The following CNBD1 variants were observed in gnomAD, a reference collection of about 807,000 sequenced individuals.
CNBD1 encodes cyclic nucleotide binding domain containing 1.
In CNBD1, 71 loss-of-function variants were observed where a neutral mutation model predicts 54.4. The ratio of observed to expected loss-of-function variants is 1.30; its 90% CI spans 1.08 to 1.59. The LOEUF is 1.59. CNBD1 is among the 40% of genes most tolerant of loss of function. The pLI, the probability that CNBD1 is intolerant of heterozygous loss-of-function variation, is 0.00. For missense variants in CNBD1, 659 were observed against 518.0 expected, an observed-to-expected ratio of 1.27 and a Z score of -2.64; for synonymous variants, 182 against 170.7, an observed-to-expected ratio of 1.07 and a Z score of -0.51.
At chr8:87,224,799 T>C (rs1350680319) in intron 5 of CNBD1, among the ~76,000 whole-genome samples, 1 of 150,846 alleles carries the variant, frequency 6.6e-6, no homozygotes, top group Non-Finnish European at 1.5e-5. Context: ...GGTAGCTTGA[T>C]GGGGATGGCA....
At chr8:87,313,217 A>G (rs550169158) in intron 8 of CNBD1, among the ~76,000 whole-genome samples, 1 of 152,168 alleles carries the variant, frequency 6.6e-6, no homozygotes, top group Admixed American at 6.6e-5. Context: ...TTATTTATCC[A>G]TTTGTGTTTG....
At position 86,966,635 on chromosome 8, in the gene CNBD1, G is replaced by A. The variant is rs186767235; in HGVS notation, c.431+26881G>A. On this transcript the variant is annotated intron_variant, in intron 4 of 10. Coordinates refer to ENST00000518476, the MANE Select transcript of CNBD1 (RefSeq NM_173538.3). ...CAGGACTGAAGCTGCAGACCTTTGC[G>A]GTGAGTGTTACAGCTCTTAAAGGTG... 5.3e-5 allele frequency among the ~76,000 whole-genome samples: 8 copies of A among 152,162 alleles called. No individual in the cohort carries two copies. In the East Asian group the frequency reaches 5.8e-4, roughly 11 times the overall value.
At chr8:87,269,580 C>T (rs908522939) in intron 6 of CNBD1, among the ~76,000 whole-genome samples, 99 of 152,186 alleles carry the variant, frequency 6.5e-4, no homozygotes, top group African/African-American at 2.2e-3. Context: ...TTGTTTGTGT[C>T]ATCTATGATT....
At chr8:86,992,088 T>C (rs544989011) in intron 4 of CNBD1, among the ~76,000 whole-genome samples, 1 of 152,290 alleles carries the variant, frequency 6.6e-6, no homozygotes, top group African/African-American at 2.4e-5. Context: ...CTCAGTGTTC[T>C]GTGTAACACT....
chr8:86,974,368 A>G (rs536880192), intron 4 of CNBD1, among the ~76,000 whole-genome samples: 1 of 152,246 alleles, frequency 6.6e-6, no homozygotes, highest in East Asian at 1.9e-4. Context: ...ACATTCCCAT[A>G]GTTATAATTC....
chr8:87,327,776 G>A (rs1339666766), intron 8 of CNBD1, among the ~76,000 whole-genome samples: 2 of 152,232 alleles, frequency 1.3e-5, no homozygotes, highest in Middle Eastern at 3.4e-3. Context: ...CGTCGCTCAC[G>A]CTGGGAGCTG....
intron 8 of CNBD1, among the ~76,000 whole-genome samples, chr8:87,302,910 C>A (rs919653220): frequency 6.6e-6 from 1 of 151,766 alleles, no homozygotes; most frequent in East Asian, 1.9e-4. Context: ...AATAAAATAC[C>A]TAGGAATCCA....
chr8:87,382,317 A>G (rs1811094419), intron 10 of CNBD1, among the ~76,000 whole-genome samples: 2 of 151,884 alleles, frequency 1.3e-5, no homozygotes, highest in Admixed American at 1.3e-4. Context: ...ATCAATTTAA[A>G]ATATCAGCAA....
chr8:87,330,049 A>T (rs1300295812), intron 8 of CNBD1, among the ~76,000 whole-genome samples: 1 of 151,968 alleles, frequency 6.6e-6, no homozygotes, highest in Non-Finnish European at 1.5e-5. Flanking sequence ...TTCTATATCA[A>T]TTGGAAGAAG....
chr8:87,381,583 T>C (rs962354954), intron 10 of CNBD1, among the ~76,000 whole-genome samples: 1 of 152,016 alleles, frequency 6.6e-6, no homozygotes, highest in Non-Finnish European at 1.5e-5. Flanking sequence ...ACCATGTTAA[T>C]TGCAGCATTA....
chr8:87,295,469 G>T (rs963286469), intron 8 of CNBD1, among the ~76,000 whole-genome samples: 1 of 151,362 alleles, frequency 6.6e-6, no homozygotes, highest in Non-Finnish European at 1.5e-5. Context: ...AATAAATTAA[G>T]AATTTATTTA....
chr8:87,268,802 C>A (rs1353674972), intron 6 of CNBD1, among the ~76,000 whole-genome samples: 1 of 151,900 alleles, frequency 6.6e-6, no homozygotes, highest in African/African-American at 2.4e-5. Context: ...ATTTAAGTTG[C>A]ATATAGGTTC....
At chr8:86,991,239 G>A (rs544046201) in intron 4 of CNBD1, among the ~76,000 whole-genome samples, 48 of 152,186 alleles carry the variant, frequency 3.2e-4, no homozygotes, top group Non-Finnish European at 5.9e-4. Flanking sequence ...GTGAAAGTGG[G>A]CATCCTTTCA....
At chr8:86,988,519 G>T (rs964061310) in intron 4 of CNBD1, among the ~76,000 whole-genome samples, 2 of 151,880 alleles carry the variant, frequency 1.3e-5, no homozygotes, top group Admixed American at 6.6e-5. Context: ...TTCTTTCTCT[G>T]TGTTACAAAC....
intron 1 of CNBD1, among the ~76,000 whole-genome samples, chr8:86,875,465 T>C (rs1808507008): frequency 6.6e-6 from 1 of 152,236 alleles, no homozygotes; most frequent in African/African-American, 2.4e-5. Flanking sequence ...TAGTTACTTC[T>C]GGAATAAGCC....
At chr8:87,286,517 T>C in intron 7 of CNBD1, 22 bp from the exon 8 acceptor site, 2 of 1,319,060 alleles carry the variant, frequency 1.5e-6, no homozygotes, top group Non-Finnish European at 2.1e-6. Flanking sequence ...ATTAAAAATT[T>C]GATAATGACA....
At chr8:87,169,648 C>T (rs1813044228) in intron 4 of CNBD1, among the ~76,000 whole-genome samples, 1 of 152,060 alleles carries the variant, frequency 6.6e-6, no homozygotes, top group Admixed American at 6.6e-5. Context: ...TTCCCAACAC[C>T]ATTTATTGAA....
In CNBD1 at chr8:87,401,142, T is replaced by C. The variant is rs553445154; in HGVS notation, c.214-27404T>C. On this transcript the variant is annotated intron_variant, in intron 2 of 7. Coordinates refer to the CNBD1 transcript ENST00000521593. ...TCCAAAGCTACATATAAATATAATC[T>C]TTGGATATGTTTTCTAGCCAACCAA... 1.0e-3 allele frequency among the ~76,000 whole-genome samples: 155 copies of C among 152,148 alleles called. 4 individuals carry two copies. The South Asian group carries it at 0.031, about 30-fold the overall frequency.
chr8:86,931,599 G>T (rs1227317272), intron 3 of CNBD1, among the ~76,000 whole-genome samples: 1 of 152,096 alleles, frequency 6.6e-6, no homozygotes, highest in African/African-American at 2.4e-5. Context: ...CATGACTAAG[G>T]CTGTGGCCTT....
Sources: gnomAD v4.1 joint callset for allele counts (sites outside exome capture counted in the v4.1 genomes callset) on GRCh38, gnomAD v4.1.1 for gene constraint, MANE v1.5 for transcripts, NCBI Gene and HGNC (gene_info 2026-07-23, HGNC 2026-07-21) for gene names.